RMDN3: variants seen among roughly 807,000 people sequenced by gnomAD.
The protein encoded by RMDN3 is regulator of microtubule dynamics protein 3.
In RMDN3, 41 loss-of-function variants were observed where a neutral mutation model predicts 61.8. That is an observed-to-expected ratio of 0.66 (90% CI 0.52 to 0.86). The LOEUF is 0.86. Among genes scored for constraint, RMDN3 ranks in the 40% least tolerant of loss-of-function variants. The pLI is 0.00. For synonymous variants in RMDN3, 247 were observed against 232.0 expected (o/e 1.06, Z -0.59); for missense variants, 557 against 585.3 (o/e 0.95, Z 0.50).
At chr15:40,740,740 C>A (rs997896228) in intron 6 of RMDN3, among the ~76,000 whole-genome samples, 2 of 152,140 alleles carry the variant, frequency 1.3e-5, no homozygotes, top group Admixed American at 6.5e-5. Flanking sequence ...CAGTTACCTT[C>A]TTTTTATAAT....
chr15:40,738,701 C>T (rs1013752854), intron 7 of RMDN3, 125 bp from the exon 8 acceptor site: 2 of 866,272 alleles, frequency 2.3e-6, no homozygotes, highest in Admixed American at 2.1e-5. Flanking sequence ...GCTGAAAATA[C>T]CTAATTTTCA....
chr15:40,737,507 A>G, intron 10 of RMDN3, 121 bp downstream of exon 10: 1 of 1,128,458 alleles, frequency 8.9e-7, no homozygotes, highest in Non-Finnish European at 1.3e-6. Context: ...TTCCCATAGA[A>G]CAGGCAAACA....
intron 7 of RMDN3, 122 bp from the exon 8 acceptor site, chr15:40,738,698 A>T: frequency 1.1e-6 from 1 of 898,308 alleles, no homozygotes; most frequent in Non-Finnish European, 1.8e-6. Context: ...AGAGCTGAAA[A>T]TACCTAATTT....
intron 4 of RMDN3, among the ~76,000 whole-genome samples, chr15:40,748,879 C>T (rs1206673603): frequency 6.7e-6 from 1 of 149,224 alleles, no homozygotes; most frequent in African/African-American, 2.5e-5. Flanking sequence ...GGATTATAGG[C>T]ATGAGCCTCC....
chr15:40,738,725 C>T, intron 7 of RMDN3, 149 bp from the exon 8 acceptor site: 1 of 706,824 alleles, frequency 1.4e-6, no homozygotes, highest in Non-Finnish European at 2.5e-6. Flanking sequence ...GTACGTAATC[C>T]CCATTCTTTA....
chr15:40,744,374 G>A, intron 5 of RMDN3: 1 of 500,822 alleles, frequency 2.0e-6, no homozygotes, highest in South Asian at 2.2e-5. Context: ...CAATTACGGG[G>A]TGAGGGCATT....
chr15:40,745,605 A>T (rs1897504788), intron 4 of RMDN3, among the ~76,000 whole-genome samples: 1 of 151,890 alleles, frequency 6.6e-6, no homozygotes, highest in East Asian at 1.9e-4. Flanking sequence ...GCCTCAAGTG[A>T]TCCGCCCACC....
At chr15:40,736,856 G>GTT (rs1555430454) in intron 12 of RMDN3, among the ~76,000 whole-genome samples, 1 of 152,040 alleles carries the variant, frequency 6.6e-6, no homozygotes, top group Non-Finnish European at 1.5e-5. Flanking sequence ...AGGCAGTTTT[G>GTT]TTTGGTTTTT....
Position 40,754,490 on chromosome 15 carries a change from TA to T in RMDN3, c.187+106del. ...ACAAGCTTCCAAAAAAGTGAAACCC[TA>T]AAGCACTTCTCTCCGTTACCCTGTC... is the stretch of plus-strand genomic sequence containing the variant. On this transcript the variant is annotated intron_variant, in intron 2 of 12. Transcript: ENST00000338376. 4 of 1,185,546 alleles carry T rather than the reference TA, an allele frequency of 3.4e-6. No individual in the cohort carries two copies. The South Asian group carries it at 6.7e-5, about 20-fold the overall frequency. 73.4% of individuals were successfully genotyped at this position (1,185,546 alleles called of 1,614,324 possible).
intron 4 of RMDN3, among the ~76,000 whole-genome samples, chr15:40,748,581 C>T (rs1048023622): frequency 3.9e-5 from 6 of 152,210 alleles, no homozygotes; most frequent in Non-Finnish European, 7.3e-5. Flanking sequence ...GCTCTGGCTC[C>T]CACTGACCCC....
intron 2 of RMDN3, among the ~76,000 whole-genome samples, chr15:40,752,933 A>C (rs758869464): frequency 6.6e-6 from 1 of 152,232 alleles, no homozygotes; most frequent in African/African-American, 2.4e-5. Context: ...GTAAAAAACT[A>C]GGCCAGGCCA....
At chr15:40,749,084 A>T (rs576876570) in intron 4 of RMDN3, among the ~76,000 whole-genome samples, 1 of 152,134 alleles carries the variant, frequency 6.6e-6, no homozygotes, top group Non-Finnish European at 1.5e-5. Flanking sequence ...TTGTATTTTT[A>T]GTAGAGACGA....
At chr15:40,747,477 T>C (rs1421680077) in intron 4 of RMDN3, among the ~76,000 whole-genome samples, 1 of 152,134 alleles carries the variant, frequency 6.6e-6, no homozygotes, top group African/African-American at 2.4e-5. Context: ...TCTGAAACCC[T>C]ACTGCCTGAG....
intron 6 of RMDN3, among the ~76,000 whole-genome samples, chr15:40,742,185 T>C (rs1048442784): frequency 6.8e-6 from 1 of 147,112 alleles, no homozygotes; most frequent in African/African-American, 2.5e-5. Flanking sequence ...TTTTTTTTTT[T>C]TTTGTAGAGA....
chr15:40,745,959 G>A (rs902607175), intron 4 of RMDN3, among the ~76,000 whole-genome samples: 1 of 152,188 alleles, frequency 6.6e-6, no homozygotes, highest in Non-Finnish European at 1.5e-5. Flanking sequence ...GAGAACTTAA[G>A]GGTGTGAGGA....
chr15:40,750,215 T>G (rs957527529), intron 4 of RMDN3, among the ~76,000 whole-genome samples: 1 of 138,910 alleles, frequency 7.2e-6, no homozygotes, highest in Non-Finnish European at 1.5e-5. Flanking sequence ...AGCTCGTTTT[T>G]TTTTTTTTTT....
chr15:40,748,907 A>T (rs946022013), intron 4 of RMDN3, among the ~76,000 whole-genome samples: 8 of 140,342 alleles, frequency 5.7e-5, no homozygotes, highest in Non-Finnish European at 1.2e-4. Context: ...AGCCTCAGTA[A>T]TTTTTTTTTT....
chr15:40,750,898 A>T (rs1006418189), intron 4 of RMDN3, among the ~76,000 whole-genome samples: 2 of 152,240 alleles, frequency 1.3e-5, no homozygotes, highest in Non-Finnish European at 2.9e-5. Context: ...TAGCATGACC[A>T]GACTTGGAGG....
intron 12 of RMDN3, among the ~76,000 whole-genome samples, chr15:40,736,853 TTTGTTTGGTTTTTTTTTGAGA>T (rs1897070513): frequency 6.6e-6 from 1 of 152,054 alleles, no homozygotes; most frequent in Admixed American, 6.5e-5. Flanking sequence ...GACAGGCAGT[TTTGTTTGGTTTTTTTTTGAGA>T]TGGAGTTTTG....
Sources: allele counts gnomAD v4.1 joint callset (sites outside exome capture counted in the v4.1 genomes callset), GRCh38; gene constraint gnomAD v4.1.1; transcripts MANE v1.5; gene names NCBI Gene and HGNC (gene_info 2026-07-23, HGNC 2026-07-21).